Variants in NOTCH1 observed in about 807,000 individuals in gnomAD.
NOTCH1 encodes the protein neurogenic locus notch homolog protein 1.
A neutral mutation model predicts 254.8 loss-of-function variants in NOTCH1; 37 were observed. The observed-to-expected ratio is 0.15, with a 90% CI of 0.11 to 0.19. The LOEUF is 0.19. Ranked by LOEUF, NOTCH1 falls within the 10% of genes least tolerant of loss-of-function variation. The pLI is 1.00. For missense variants in NOTCH1, 2,972 were observed against 3,708.6 expected, an observed-to-expected ratio of 0.80 and a Z score of 5.16; for synonymous variants, 1,731 against 1,618.1, an observed-to-expected ratio of 1.07 and a Z score of -1.68.
intron 33 of NOTCH1, among the ~76,000 whole-genome samples, chr9:136,498,468 C>T (rs918078052): frequency 3.9e-5 from 6 of 152,210 alleles, no homozygotes; most frequent in African/African-American, 1.2e-4. Context: ...TGCCGCCACG[C>T]GTGTTCTGGC....
At chr9:136,509,669 C>T (rs1843146410) in intron 18 of NOTCH1, 64 bp downstream of exon 18, 1 of 1,483,340 alleles carries the variant, frequency 6.7e-7, no homozygotes, top group Non-Finnish European at 9.4e-7. Context: ...TGCCAGGCTG[C>T]CAGCTACTGC....
rs748935957 is a variant in NOTCH1 at position 136,499,176 on chromosome 9, G to A, written c.6018C>T (p.Ala2006=). 11 of 1,613,226 alleles carry A rather than the reference G, an allele frequency of 6.8e-6. No individual in the cohort carries two copies. In the African/African-American group the frequency reaches 8.0e-5, roughly 12 times the overall value. Residue 2006 remains alanine (A), a synonymous_variant, in exon 32 of 34, where the codon GCC becomes GCT. Transcript: ENST00000651671. ...TGAGGTCCTCCAGCATGCCCTCCAC[G>A]GCCAGGCGGGCAGCCAGGATCAGTG... is the stretch of plus-strand genomic sequence containing the variant. The part of the protein sequence containing the change: ...TTPLILAARL[A]VEGMLEDLIN...
intron 33 of NOTCH1, among the ~76,000 whole-genome samples, chr9:136,498,444 G>A (rs977080031): frequency 1.1e-4 from 17 of 152,192 alleles, no homozygotes; most frequent in African/African-American, 3.9e-4. Flanking sequence ...AAGAGGCCCC[G>A]CCCCGCAGGG....
At chr9:136,524,223 T>C (rs565423080) in intron 2 of NOTCH1, among the ~76,000 whole-genome samples, 18 of 152,312 alleles carry the variant, frequency 1.2e-4, no homozygotes, top group Non-Finnish European at 1.6e-4. Flanking sequence ...GGAGAATCAC[T>C]TGAACCCAGG....
chr9:136,502,576 C>A (rs1843016262), intron 27 of NOTCH1, 88 bp from the exon 28 acceptor site: 1 of 813,798 alleles, frequency 1.2e-6, no homozygotes, highest in East Asian at 2.9e-5. Context: ...CGGACTGGCT[C>A]CGCGTCCGGG....
intron 2 of NOTCH1, among the ~76,000 whole-genome samples, chr9:136,525,285 G>A (rs1398209017): frequency 6.6e-6 from 1 of 152,186 alleles, no homozygotes; most frequent in Non-Finnish European, 1.5e-5. Flanking sequence ...TCTCCACCCA[G>A]GCCTGGTCTC....
At chr9:136,531,762 C>T (rs907225371) in intron 2 of NOTCH1, among the ~76,000 whole-genome samples, 6 of 152,326 alleles carry the variant, frequency 3.9e-5, no homozygotes, top group Admixed American at 6.5e-5. Context: ...CGCCCTCCTG[C>T]GCCTCCTCCC....
intron 33 of NOTCH1, 39 bp from the exon 34 acceptor site, chr9:136,497,597 C>A (rs371067843): frequency 4.6e-5 from 69 of 1,512,932 alleles, no homozygotes; most frequent in Middle Eastern, 2.1e-4. Context: ...GGGGGCCAGG[C>A]CAGGCGTGGG....
chr9:136,516,154 ACC>A, intron 9 of NOTCH1, 60 bp from the exon 10 acceptor site: 1 of 1,315,382 alleles, frequency 7.6e-7, no homozygotes, highest in East Asian at 2.3e-5. Context: ...CCCTTCAGGG[ACC>A]CCTGGCCAGA....
chr9:136,494,892 C>CT lies in NOTCH1; in HGVS notation c.*1178_*1179insA. On this transcript the variant is annotated 3_prime_UTR_variant, in exon 34 of 34. Coordinates refer to ENST00000651671, the MANE Select transcript of NOTCH1 (RefSeq NM_017617.5). ...TCCTCCCAAACTAGGAGGGGTGGCC[C>CT]AAGGGCAGCCCCCGCCTCCCTCCAG... is the stretch of plus-strand genomic sequence containing the variant. The CT allele has an allele frequency of 2.5e-6, 1 of 398,628 alleles. No individual in the cohort carries two copies. The highest frequency in any genetic ancestry group is 4.4e-6 in the Non-Finnish European group (1 of 225,962). The allele number at this position is 398,628 out of a possible 1,614,324, so 24.7% of individuals were successfully genotyped here. A position where few individuals can be genotyped will look rare whatever the true frequency, so the allele number is the denominator to read the frequency against.
chr9:136,522,059 C>G (rs1441152518), intron 4 of NOTCH1, among the ~76,000 whole-genome samples: 8 of 151,236 alleles, frequency 5.3e-5, no homozygotes, highest in South Asian at 2.1e-4. Context: ...CTCACTGCAA[C>G]CTCCGCCTCC....
chr9:136,519,765 C>T (rs904963277), intron 4 of NOTCH1, 200 bp from the exon 5 acceptor site: 44 of 706,290 alleles, frequency 6.2e-5, no homozygotes, highest in Non-Finnish European at 3.2e-5. Flanking sequence ...TTGGACAGGA[C>T]TGGCTAAACA....
chr9:136,515,431 C>T (rs1843249112), intron 11 of NOTCH1, 31 bp from the exon 12 acceptor site: 2 of 1,612,210 alleles, frequency 1.2e-6, no homozygotes, highest in African/African-American at 1.3e-5. Context: ...GGTCAGTCCT[C>T]AGGCCCGCCC....
intron 21 of NOTCH1, 111 bp downstream of exon 21, chr9:136,507,844 T>G (rs1843113206): frequency 1.8e-6 from 2 of 1,120,670 alleles, no homozygotes; most frequent in Admixed American, 3.5e-5. Context: ...GACTGAACAG[T>G]GCATGGGCCT....
At position 136,510,753 on chromosome 9, in the gene NOTCH1, G is replaced by A. The variant is rs374946182; in HGVS notation, c.2640C>T (p.His880=). ...CGTGGGTGTTCTGGCAGGATGCGCC[G>A]TGCCGGCACGGGCTCAGAACGCACT... ...INECVLSPCR[H]GASCQNTHGG... The change falls in exon 17 of 34, where the codon CAC becomes CAT. Residue 880 remains histidine (H), a synonymous_variant. Coordinates refer to ENST00000651671, the MANE Select transcript of NOTCH1 (RefSeq NM_017617.5). 102 of 1,610,668 alleles carry A rather than the reference G, an allele frequency of 6.3e-5. No individual in the cohort carries two copies. The highest frequency in any genetic ancestry group is 3.7e-4 in the South Asian group (34 of 91,082).
chr9:136,502,860 C>CTTTTTT, intron 27 of NOTCH1: 1 of 566,526 alleles, frequency 1.8e-6, no homozygotes, highest in Admixed American at 2.7e-5. Context: ...CTCTCTCTCT[C>CTTTTTT]TTTTTTTTTC....
intron 19 of NOTCH1, 79 bp downstream of exon 19, chr9:136,508,791 G>T: frequency 1.4e-6 from 2 of 1,392,708 alleles, no homozygotes; most frequent in Non-Finnish European, 1.9e-6. Context: ...TGGGACCTGG[G>T]GTGACCGTTC....
chr9:136,522,971 G>A lies in NOTCH1; in HGVS notation c.621C>T (p.Arg207=), dbSNP rs756164624. The change falls in exon 4 of 34, where the codon CGC becomes CGT. Residue 207 remains arginine, a synonymous_variant. Coordinates refer to ENST00000651671, the MANE Select transcript of NOTCH1 (RefSeq NM_017617.5). ...CGCAGTTGGGGCCAGTGTGGGTGGC[G>A]CGGCAGACGCAGCGGTAGGAGCCGA... ...NEVGSYRCVC[R]ATHTGPNCER... The A allele has an allele frequency of 4.4e-5, 68 of 1,557,910 alleles. No individual in the cohort carries two copies. Among genetic ancestry groups the A allele is most frequent in the East Asian group, 3.1e-4 (13 of 41,554 alleles).
At chr9:136,510,495 C>G (rs560303373) in intron 17 of NOTCH1, 158 bp downstream of exon 17, 2 of 980,832 alleles carry the variant, frequency 2.0e-6, no homozygotes, top group Non-Finnish European at 3.1e-6. Context: ...ACCACCCTGG[C>G]CATCCCTCAG....
Sources: gnomAD v4.1 joint callset for allele counts (sites outside exome capture counted in the v4.1 genomes callset) on GRCh38, gnomAD v4.1.1 for gene constraint, MANE v1.5 for transcripts, NCBI Gene and HGNC (gene_info 2026-07-23, HGNC 2026-07-21) for gene names.